DPP4: variants seen among roughly 807,000 people sequenced by gnomAD.
The protein encoded by DPP4 is ADCP-2.
In DPP4, 93 loss-of-function variants were observed where a neutral mutation model predicts 122.4. The ratio of observed to expected loss-of-function variants is 0.76; its 90% CI spans 0.64 to 0.90. DPP4 has a LOEUF of 0.90. DPP4 is among the 40% of genes least tolerant of loss of function. The pLI, the probability that DPP4 is intolerant of heterozygous loss-of-function variation, is 0.00. For missense variants in DPP4, 914 were observed against 907.3 expected (o/e 1.01, Z -0.09); for synonymous variants, 321 against 302.9 (o/e 1.06, Z -0.62).
chr2:162,015,140 T>C (rs1169284108), intron 18 of DPP4, among the ~76,000 whole-genome samples: 4 of 152,166 alleles, frequency 2.6e-5, no homozygotes, highest in Non-Finnish European at 4.4e-5. Context: ...AAAAGATGAG[T>C]TATACTAATA....
At position 162,073,427 on chromosome 2, in the gene DPP4, G is replaced by A; in HGVS notation, c.66C>T (p.Thr22=). ...CTTTGTTCAGCAGAACCACGGGCAC[G>A]GTGATGATGGTGACAAGCGCAGCAG... The part of the protein sequence containing the change: ...LGAAALVTII[T]VPVVLLNKGT... The change falls in exon 2 of 26, where the codon ACC becomes ACT. Residue 22 remains threonine (T), a synonymous_variant. Coordinates refer to ENST00000360534, the MANE Select transcript of DPP4 (RefSeq NM_001935.4). 1.2e-6 allele frequency: 2 copies of A among 1,614,072 alleles called. No homozygotes were observed. The highest frequency in any genetic ancestry group is 2.2e-5 in the South Asian group (2 of 91,074).
Position 162,074,128 on chromosome 2 carries a change from T to C in DPP4, c.-147A>G, listed in dbSNP as rs886284689. On this transcript the variant is annotated 5_prime_UTR_variant, in exon 1 of 26. Coordinates refer to ENST00000360534, the MANE Select transcript of DPP4 (RefSeq NM_001935.4). ...GTTTCGGCCCCGAGTTAAACATTAG[T>C]GAGCGCCGAGCCCGCTGGGTATAAA... 2.8e-6 allele frequency: 4 copies of C among 1,413,754 alleles called. No homozygotes were observed. The highest frequency in any genetic ancestry group is 1.8e-6 in the Non-Finnish European group (2 of 1,083,694). The allele number at this position is 1,413,754 out of a possible 1,614,324, so 87.6% of individuals were successfully genotyped here.
chr2:162,063,376 G>T (rs961387513), intron 2 of DPP4, among the ~76,000 whole-genome samples: 14 of 152,166 alleles, frequency 9.2e-5, no homozygotes, highest in Admixed American at 7.9e-4. Flanking sequence ...AAGTTGCCAA[G>T]TTGTAAATGG....
At chr2:162,070,163 T>C (rs748580727) in intron 2 of DPP4, among the ~76,000 whole-genome samples, 2 of 152,154 alleles carry the variant, frequency 1.3e-5, no homozygotes, top group African/African-American at 4.8e-5. Context: ...TATCCTCCTA[T>C]AGTAGGATGA....
intron 2 of DPP4, among the ~76,000 whole-genome samples, chr2:162,053,735 A>T (rs1576067796): frequency 6.6e-6 from 1 of 152,348 alleles, no homozygotes; most frequent in Non-Finnish European, 1.5e-5. Context: ...GGCAGCACTC[A>T]TGTGGTGCTA....
At chr2:161,997,629 T>A (rs1001774233) in intron 23 of DPP4, among the ~76,000 whole-genome samples, 8 of 152,212 alleles carry the variant, frequency 5.3e-5, no homozygotes, top group African/African-American at 1.9e-4. Flanking sequence ...TTTGCCCACT[T>A]TCTATCCATA....
intron 19 of DPP4, 67 bp from the exon 20 acceptor site, chr2:162,012,054 C>T: frequency 6.6e-7 from 1 of 1,505,016 alleles, no homozygotes. Flanking sequence ...GCTTACATTT[C>T]TCTTCTCCGT....
Position 162,035,250 on chromosome 2 carries a change from C to A in DPP4, c.688G>T (p.Asp230Tyr), listed in dbSNP as rs1323417251. ...TATTCAATAAGTGGGACTTCTGTGT[C>A]GTTAAATTGGGCATATGCTAAAAAA... ...GTFLAYAQFNDTEVPLIEYSF... is the reference protein window; with the variant it reads ...GTFLAYAQFNYTEVPLIEYSF... The change falls in exon 9 of 26, where the codon GAC (aspartate) becomes TAC (tyrosine). Residue 230 changes from aspartate (D) to tyrosine (Y), a missense_variant. Asp to Tyr is a radical substitution (Grantham distance 160). Transcript: ENST00000360534. The A allele has an allele frequency of 1.2e-6, 2 of 1,613,972 alleles. No individual in the cohort carries two copies. The highest frequency in any genetic ancestry group is 8.5e-7 in the Non-Finnish European group (1 of 1,179,966).
intron 23 of DPP4, among the ~76,000 whole-genome samples, chr2:161,997,865 G>C (rs540305752): frequency 6.6e-6 from 1 of 152,308 alleles, no homozygotes; most frequent in Non-Finnish European, 1.5e-5. Flanking sequence ...GCAAGTGTCA[G>C]AGCTGGACAA....
intron 7 of DPP4, among the ~76,000 whole-genome samples, chr2:162,038,702 T>G (rs941504358): frequency 6.6e-6 from 1 of 152,172 alleles, no homozygotes; most frequent in Non-Finnish European, 1.5e-5. Context: ...CCGAGAAGGC[T>G]GACCACTTCT....
At chr2:162,060,211 T>A (rs1684715340) in intron 2 of DPP4, among the ~76,000 whole-genome samples, 1 of 152,224 alleles carries the variant, frequency 6.6e-6, no homozygotes, top group Non-Finnish European at 1.5e-5. Context: ...TTTATGGAAG[T>A]GTTTAAATTC....
At chr2:162,017,062 A>G in intron 17 of DPP4, 46 bp downstream of exon 17, 4 of 1,583,920 alleles carry the variant, frequency 2.5e-6, no homozygotes, top group Non-Finnish European at 3.5e-6. Flanking sequence ...GACTTATGCA[A>G]CACACTTTCT....
At chr2:162,048,939 T>C (rs1684285884) in intron 2 of DPP4, among the ~76,000 whole-genome samples, 1 of 152,224 alleles carries the variant, frequency 6.6e-6, no homozygotes. Flanking sequence ...AAAGAGTTTT[T>C]ATTGGTTAAT....
intron 10 of DPP4, among the ~76,000 whole-genome samples, chr2:162,032,711 A>AC (rs1184310835): frequency 7.3e-4 from 106 of 144,530 alleles, no homozygotes; most frequent in Middle Eastern, 3.6e-3. Context: ...AACAACAACA[A>AC]AAAAAAAAAC....
intron 2 of DPP4, among the ~76,000 whole-genome samples, chr2:162,058,024 C>T (rs1040895158): frequency 3.9e-5 from 6 of 152,160 alleles, no homozygotes; most frequent in Non-Finnish European, 7.4e-5. Context: ...CTGCCTGTCC[C>T]GGCCTCCCAA....
chr2:162,018,620 G>C, intron 16 of DPP4, 109 bp downstream of exon 16: 1 of 1,368,520 alleles, frequency 7.3e-7, no homozygotes, highest in Non-Finnish European at 9.8e-7. Context: ...TGGAGAGAAG[G>C]GGACTTAGGT....
chr2:162,042,514 G>C (rs1684021820), intron 5 of DPP4, among the ~76,000 whole-genome samples: 1 of 151,896 alleles, frequency 6.6e-6, no homozygotes, highest in Non-Finnish European at 1.5e-5. Flanking sequence ...GACCTCCAAG[G>C]AAATGTAATC....
intron 2 of DPP4, among the ~76,000 whole-genome samples, chr2:162,060,666 T>C (rs1296227008): frequency 6.6e-6 from 1 of 152,260 alleles, no homozygotes; most frequent in Non-Finnish European, 1.5e-5. Flanking sequence ...CATAGGAGCT[T>C]ATTTTCTACC....
chr2:162,031,596 G>T (rs765994623), intron 10 of DPP4, among the ~76,000 whole-genome samples: 2 of 151,908 alleles, frequency 1.3e-5, no homozygotes, highest in Non-Finnish European at 2.9e-5. Flanking sequence ...TGTTTTTTCC[G>T]CCTCAGTGTC....
Sources: allele counts gnomAD v4.1 joint callset (sites outside exome capture counted in the v4.1 genomes callset), GRCh38; gene constraint gnomAD v4.1.1; transcripts MANE v1.5; gene names NCBI Gene and HGNC (gene_info 2026-07-23, HGNC 2026-07-21).